Variants in KCNIP4 observed in about 807,000 individuals in gnomAD.
KCNIP4 encodes the protein potassium voltage-gated channel interacting protein 4.
KCNIP4 carries 12 observed loss-of-function variants against 34.0 expected under a neutral mutation model. That is an observed-to-expected ratio of 0.35 (90% CI 0.23 to 0.57). The LOEUF is 0.57. Among genes scored for constraint, KCNIP4 ranks in the 20% least tolerant of loss-of-function variants. KCNIP4 has a pLI of 0.83. For missense variants in KCNIP4, 238 were observed against 311.7 expected (o/e 0.76, Z 1.78); for synonymous variants, 124 against 102.2 (o/e 1.21, Z -1.29).
intron 1 of KCNIP4, among the ~76,000 whole-genome samples, chr4:21,109,269 C>G (rs958925571): frequency 7.0e-6 from 1 of 142,826 alleles, no homozygotes; most frequent in African/African-American, 2.5e-5. Flanking sequence ...TCGAGCTTCC[C>G]GGCTGCTTTG....
At position 20,997,505 on chromosome 4, in the gene KCNIP4, G is replaced by T. The variant is rs78451564; in HGVS notation, c.62-114796C>A. Among the ~76,000 whole-genome samples, 214 of 152,308 alleles carry T rather than the reference G, an allele frequency of 1.4e-3. 1 individual carries two copies. The East Asian group carries it at 0.014, about 10-fold the overall frequency. On this transcript the variant is annotated intron_variant, in intron 1 of 8. Transcript: ENST00000382152. ...CTCTGACTAGTGAAATAATTAAAAG[G>T]TATTGTAGGGAATCTGGGATAACTC...
chr4:21,001,739 G>A (rs1437562697), intron 1 of KCNIP4, among the ~76,000 whole-genome samples: 2 of 152,150 alleles, frequency 1.3e-5, no homozygotes, highest in Non-Finnish European at 2.9e-5. Context: ...TATATTATCT[G>A]CACTTAGCAG....
chr4:20,730,279 A>G, intron 8 of KCNIP4, 150 bp from the exon 9 acceptor site: 3 of 984,918 alleles, frequency 3.0e-6, no homozygotes, highest in Non-Finnish European at 2.8e-6. Context: ...TGTAAATGCC[A>G]TTCTATTCTA....
intron 1 of KCNIP4, among the ~76,000 whole-genome samples, chr4:21,864,541 C>G (rs1057200148): frequency 6.6e-6 from 1 of 152,134 alleles, no homozygotes; most frequent in Non-Finnish European, 1.5e-5. Flanking sequence ...CAGGATTCCT[C>G]CAGTTATTAG....
chr4:20,866,544 C>T (rs897244641), intron 2 of KCNIP4, among the ~76,000 whole-genome samples: 7 of 152,002 alleles, frequency 4.6e-5, no homozygotes, highest in Non-Finnish European at 1.0e-4. Context: ...AACCCACAGC[C>T]AACATCATAC....
chr4:21,633,321 G>T (rs767628333), intron 1 of KCNIP4, among the ~76,000 whole-genome samples: 5 of 152,020 alleles, frequency 3.3e-5, no homozygotes, highest in Non-Finnish European at 7.4e-5. Context: ...GTATTTCCCA[G>T]TCTTCAATTC....
At chr4:21,338,264 CAAAAAA>C (rs869150288) in intron 1 of KCNIP4, among the ~76,000 whole-genome samples, 3,167 of 49,998 alleles carry the variant, frequency 0.063, 115 homozygotes, top group East Asian at 0.31. Context: ...GACTCCTTCT[CAAAAAA>C]AAAAAAAAAA....
intron 1 of KCNIP4, among the ~76,000 whole-genome samples, chr4:21,529,006 C>G (rs553380795): frequency 2.0e-5 from 3 of 152,008 alleles, no homozygotes; most frequent in Non-Finnish European, 4.4e-5. Flanking sequence ...TTTTGCTGTC[C>G]TTTTACAGGT....
At chr4:21,264,975 T>G (rs767276595) in intron 1 of KCNIP4, among the ~76,000 whole-genome samples, 1 of 152,032 alleles carries the variant, frequency 6.6e-6, no homozygotes, top group Admixed American at 6.6e-5. Context: ...GACTTGCGCC[T>G]GTGATCCCGG....
rs374139351 is a variant in KCNIP4, at chr4:21,884,819, A to G, written c.61+63752T>C. On this transcript the variant is annotated intron_variant, in intron 1 of 8. Coordinates refer to ENST00000382152, the MANE Select transcript of KCNIP4 (RefSeq NM_025221.6). ...CTCTTACAGATTCTGAAAGACGATGATGTCACCACCACAGTCACTGCCTTC... is the reference window on the plus strand; with the variant it reads ...CTCTTACAGATTCTGAAAGACGATGGTGTCACCACCACAGTCACTGCCTTC... Among the ~76,000 whole-genome samples the G allele has an allele frequency of 2.2e-4, 34 of 152,132 alleles. 1 individual carries two copies. Among genetic ancestry groups the G allele is most frequent in the African/African-American group, 6.5e-4 (27 of 41,522 alleles).
chr4:21,273,286 T>G (rs1762261176), intron 1 of KCNIP4, among the ~76,000 whole-genome samples: 1 of 152,150 alleles, frequency 6.6e-6, no homozygotes, highest in Admixed American at 6.6e-5. Context: ...GTATCCTCTA[T>G]AGCAATTTCT....
At chr4:21,349,132 G>A (rs1234077875) in intron 1 of KCNIP4, among the ~76,000 whole-genome samples, 1 of 152,144 alleles carries the variant, frequency 6.6e-6, no homozygotes, top group African/African-American at 2.4e-5. Flanking sequence ...AATATTGGCT[G>A]CATCACTTAA....
At chr4:21,745,636 CA>C (rs1284730117) in intron 1 of KCNIP4, among the ~76,000 whole-genome samples, 1 of 151,954 alleles carries the variant, frequency 6.6e-6, no homozygotes, top group Admixed American at 6.6e-5. Context: ...ATTAAACTGA[CA>C]ATGTATCAAA....
chr4:21,457,245 C>G (rs919650646), intron 1 of KCNIP4, among the ~76,000 whole-genome samples: 2 of 152,050 alleles, frequency 1.3e-5, no homozygotes, highest in Non-Finnish European at 2.9e-5. Flanking sequence ...CCGGGACCGC[C>G]CCTAACAGCC....
chr4:21,155,396 A>G (rs183011758), intron 1 of KCNIP4, among the ~76,000 whole-genome samples: 1 of 152,354 alleles, frequency 6.6e-6, no homozygotes, highest in Admixed American at 6.5e-5. Context: ...TGTAAATAGG[A>G]GAAAATTTCA....
chr4:21,019,602 G>A (rs777395325), intron 1 of KCNIP4, among the ~76,000 whole-genome samples: 4 of 152,064 alleles, frequency 2.6e-5, no homozygotes, highest in Non-Finnish European at 4.4e-5. Flanking sequence ...ATAACTTTGA[G>A]CCAGTCACTT....
intron 3 of KCNIP4, among the ~76,000 whole-genome samples, chr4:20,789,344 A>G (rs554293510): frequency 6.6e-6 from 1 of 152,302 alleles, no homozygotes; most frequent in East Asian, 1.9e-4. Context: ...TAACAAATAA[A>G]AGAAAAATAA....
intron 1 of KCNIP4, among the ~76,000 whole-genome samples, chr4:21,814,075 G>A (rs1322328550): frequency 6.6e-6 from 1 of 152,020 alleles, no homozygotes; most frequent in Non-Finnish European, 1.5e-5. Context: ...TTATTTTACA[G>A]GTGAGGGAAC....
chr4:21,878,177 G>A (rs1280160805), intron 1 of KCNIP4, among the ~76,000 whole-genome samples: 7 of 152,174 alleles, frequency 4.6e-5, no homozygotes, highest in Non-Finnish European at 1.0e-4. Context: ...TCAGATGCAA[G>A]TCATTCTCCT....
Sources: gnomAD v4.1 joint callset for allele counts (sites outside exome capture counted in the v4.1 genomes callset) on GRCh38, gnomAD v4.1.1 for gene constraint, MANE v1.5 for transcripts, NCBI Gene and HGNC (gene_info 2026-07-23, HGNC 2026-07-21) for gene names.